The following SNCAIP variants were observed in gnomAD, a reference collection of about 807,000 sequenced individuals.
SNCAIP encodes the protein synphilin-1.
A neutral mutation model predicts 86.7 loss-of-function variants in SNCAIP; 43 were observed. That is an observed-to-expected ratio of 0.50 (90% confidence interval 0.39 to 0.64). The LOEUF (loss-of-function observed/expected upper bound fraction) is 0.64, where lower values mean the gene tolerates loss of function less well. Among genes scored for constraint, SNCAIP ranks in the 30% least tolerant of loss-of-function variants. The pLI is 0.00. For missense variants in SNCAIP, 981 were observed against 1,103.1 expected (o/e 0.89, Z 1.57); for synonymous variants, 417 against 427.2 (o/e 0.98, Z 0.29).
chr5:122,330,321 C>G (rs1188623852), intron 1 of SNCAIP, among the ~76,000 whole-genome samples: 1 of 151,762 alleles, frequency 6.6e-6, no homozygotes, highest in Non-Finnish European at 1.5e-5. Flanking sequence ...CGGGGTTTCA[C>G]CGTTTTAGCC....
chr5:122,403,351 G>A (rs559320151), intron 2 of SNCAIP, among the ~76,000 whole-genome samples: 1 of 152,290 alleles, frequency 6.6e-6, no homozygotes, highest in African/African-American at 2.4e-5. Flanking sequence ...GCACAGACAT[G>A]TCTCCTGACT....
At chr5:122,432,976 G>C (rs304379) in intron 6 of SNCAIP, among the ~76,000 whole-genome samples, 1 of 151,830 alleles carries the variant, frequency 6.6e-6, no homozygotes, top group Non-Finnish European at 1.5e-5. Context: ...AAACTGTGGC[G>C]TTGTCAACAA....
intron 1 of SNCAIP, among the ~76,000 whole-genome samples, chr5:122,370,479 T>C (rs963769514): frequency 3.5e-4 from 53 of 152,106 alleles, no homozygotes; most frequent in Non-Finnish European, 1.5e-4. Flanking sequence ...GATGGGACAA[T>C]TGCACCCTGT....
chr5:122,412,328 A>C (rs1454258445), intron 3 of SNCAIP, among the ~76,000 whole-genome samples: 1 of 152,124 alleles, frequency 6.6e-6, no homozygotes, highest in Non-Finnish European at 1.5e-5. Context: ...AAACATCCCT[A>C]GTATGATTTC....
At chr5:122,440,966 A>C in intron 7 of SNCAIP, 1 of 552,156 alleles carries the variant, frequency 1.8e-6, no homozygotes, top group East Asian at 3.3e-5. Context: ...TCAGTGTCCC[A>C]GGGTGTTGAA....
intron 1 of SNCAIP, among the ~76,000 whole-genome samples, chr5:122,316,694 C>T (rs774446728): frequency 6.6e-5 from 10 of 152,188 alleles, no homozygotes; most frequent in Non-Finnish European, 1.2e-4. Flanking sequence ...CCTTCATTAA[C>T]GTTAATGGAT....
chr5:122,313,305 C>A (rs1449566034), intron 1 of SNCAIP, among the ~76,000 whole-genome samples: 1 of 152,150 alleles, frequency 6.6e-6, no homozygotes, highest in Admixed American at 6.5e-5. Context: ...GCCCGGAGGA[C>A]GGGAGAACTG....
intron 1 of SNCAIP, among the ~76,000 whole-genome samples, chr5:122,342,365 C>T (rs1478739684): frequency 4.6e-5 from 7 of 152,034 alleles, no homozygotes; most frequent in Admixed American, 4.6e-4. Context: ...GGAATGTCCA[C>T]AGGAATTACC....
At chr5:122,401,122 A>G in intron 2 of SNCAIP, 2 of 1,549,542 alleles carry the variant, frequency 1.3e-6, no homozygotes, top group Non-Finnish European at 8.7e-7. Context: ...TGTCCTGAGA[A>G]TGAGGTATGT....
intron 8 of SNCAIP, 159 bp downstream of exon 8, chr5:122,444,891 C>A: frequency 1.4e-6 from 1 of 711,778 alleles, no homozygotes. Flanking sequence ...TCACAGCCAG[C>A]GTTCGTGCTG....
intron 1 of SNCAIP, among the ~76,000 whole-genome samples, chr5:122,346,928 T>C (rs1045700313): frequency 3.3e-5 from 5 of 151,990 alleles, no homozygotes; most frequent in African/African-American, 1.2e-4. Flanking sequence ...TAAGAGAGAT[T>C]AATGATATGG....
At chr5:122,318,963 C>A (rs957067820) in intron 1 of SNCAIP, among the ~76,000 whole-genome samples, 7 of 135,294 alleles carry the variant, frequency 5.2e-5, no homozygotes, top group African/African-American at 1.8e-4. Flanking sequence ...TCACTGTTAT[C>A]ATCTTTTTTT....
Position 122,431,987 on chromosome 5 carries a change from G to T in SNCAIP, c.1201G>T (p.Val401Leu). The change falls in exon 6 of 11, where the codon GTA becomes TTA. Residue 401 changes from valine (V) to leucine (L), a missense_variant. Transcript: ENST00000261368. ...LAIKNGQLEC[V>L]RWMVSETEAI... ...AACCTAGAATGGTCAGTTGGAGTGCGTACGCTGGATGGTGAGCGAAACAGA... is the reference window on the plus strand; with the variant it reads ...AACCTAGAATGGTCAGTTGGAGTGCTTACGCTGGATGGTGAGCGAAACAGA... 2 of 1,582,524 alleles carry T rather than the reference G, an allele frequency of 1.3e-6. No homozygotes were observed. The highest frequency in any genetic ancestry group is 1.7e-6 in the Non-Finnish European group (2 of 1,151,556).
chr5:122,437,903 A>G lies in SNCAIP; in HGVS notation c.1297-2726A>G, dbSNP rs1225379034. Among the ~76,000 whole-genome samples the G allele has an allele frequency of 2.0e-5, 3 of 151,994 alleles. No homozygotes were observed. The East Asian group carries it at 5.8e-4, about 29-fold the overall frequency. ...AGATTTCCACAATGGGAACATTCCC[A>G]CTCTTATGAGGGGCAGTATTCCATT... On this transcript the variant is annotated intron_variant, in intron 6 of 10. Coordinates refer to ENST00000261368, the MANE Select transcript of SNCAIP (RefSeq NM_005460.4).
At chr5:122,350,784 A>G (rs1487196832) in intron 1 of SNCAIP, among the ~76,000 whole-genome samples, 5 of 152,218 alleles carry the variant, frequency 3.3e-5, no homozygotes, top group Non-Finnish European at 7.3e-5. Context: ...TTGGGCCTCA[A>G]ATGGGAAGAT....
chr5:122,451,623 TTC>T, intron 10 of SNCAIP, 22 bp downstream of exon 10: 6 of 1,486,256 alleles, frequency 4.0e-6, no homozygotes, highest in Non-Finnish European at 5.6e-6. Flanking sequence ...TTGGAGAATA[TTC>T]TTTTTTTTCC....
chr5:122,347,018 A>G (rs1320643017), intron 1 of SNCAIP, among the ~76,000 whole-genome samples: 1 of 152,048 alleles, frequency 6.6e-6, no homozygotes, highest in Non-Finnish European at 1.5e-5. Context: ...ATATTACCAA[A>G]TAATTAAAAC....
intron 3 of SNCAIP, among the ~76,000 whole-genome samples, chr5:122,407,090 CTG>C (rs1386415623): frequency 6.6e-6 from 1 of 152,160 alleles, no homozygotes; most frequent in Non-Finnish European, 1.5e-5. Flanking sequence ...GACAAGGCCT[CTG>C]TGCTCATGAA....
Position 122,422,977 on chromosome 5 carries a change from G to A in SNCAIP, c.240G>A (p.Ser80=), listed in dbSNP as rs147854746. 2.3e-4 allele frequency: 364 copies of A among 1,614,128 alleles called. 2 individuals carry two copies. The East Asian group carries it at 3.7e-3, about 16-fold the overall frequency. The stretch of plus-strand genomic sequence containing the variant: ...AGTTCCGCCCAGTGAAGCGGGTTTC[G>A]CCACTGAAACATCAGCCAGAGACTC... ...YSKFRPVKRV[S]PLKHQPETLE... is the part of the protein sequence containing the mutation. Residue 80 remains serine, a synonymous_variant, in exon 4 of 11, where the codon TCG becomes TCA. Coordinates refer to ENST00000261368, the MANE Select transcript of SNCAIP (RefSeq NM_005460.4).
Sources: allele counts gnomAD v4.1 joint callset (sites outside exome capture counted in the v4.1 genomes callset), GRCh38; gene constraint gnomAD v4.1.1; transcripts MANE v1.5; gene names NCBI Gene and HGNC (gene_info 2026-07-23, HGNC 2026-07-21).